The following OLFML2B variants were observed in gnomAD, a reference collection of about 807,000 sequenced individuals.
The protein encoded by OLFML2B is olfactomedin-like protein 2B.
OLFML2B carries 57 observed loss-of-function variants against 74.9 expected under a neutral mutation model. That is an observed-to-expected ratio of 0.76 (90% CI 0.61 to 0.95). OLFML2B has a LOEUF of 0.95. Among genes scored for constraint, OLFML2B ranks in the 40% least tolerant of loss-of-function variants. OLFML2B has a pLI of 0.00. For synonymous variants in OLFML2B, 388 were observed against 405.8 expected (o/e 0.96, Z 0.53); for missense variants, 986 against 970.6 (o/e 1.02, Z -0.21).
chr1:162,023,492 C>T lies in OLFML2B; in HGVS notation c.-62G>A. On this transcript the variant is annotated 5_prime_UTR_variant, in exon 1 of 8. Coordinates refer to ENST00000294794, the MANE Select transcript of OLFML2B (RefSeq NM_015441.3). ...GAATGGCTGGGGCGGGGGGTCTCGG[C>T]AAGGACTTCTGCGAGAGGGTGTCCT... is the stretch of plus-strand genomic sequence containing the variant. 3.6e-6 allele frequency: 5 copies of T among 1,387,264 alleles called. No individual in the cohort carries two copies. The highest frequency in any genetic ancestry group is 4.7e-6 in the Non-Finnish European group (5 of 1,057,588). 85.9% of individuals were successfully genotyped at this position (1,387,264 alleles called of 1,614,324 possible). A position where few individuals can be genotyped will look rare whatever the true frequency, so the allele number is the denominator to read the frequency against.
At position 161,998,042 on chromosome 1, in the gene OLFML2B, G is replaced by A; in HGVS notation, c.1257C>T (p.Thr419=). 1 of 1,614,116 alleles carries A rather than the reference G, an allele frequency of 6.2e-7. No homozygotes were observed. Among genetic ancestry groups the A allele is most frequent in the Non-Finnish European group, 8.5e-7 (1 of 1,180,004 alleles). Residue 419 remains threonine (T), a synonymous_variant, in exon 6 of 8, where the codon ACC becomes ACT. Coordinates refer to ENST00000294794, the MANE Select transcript of OLFML2B (RefSeq NM_015441.3). ...GCTGGGTGGCTGTGTGGGCCACAGTGGTGGCTGGTACCTGAGGAGAAGGCT... is the reference window on the plus strand; with the variant it reads ...GCTGGGTGGCTGTGTGGGCCACAGTAGTGGCTGGTACCTGAGGAGAAGGCT... ...VLQPSPQVPA[T]TVAHTATQQP... is the part of the protein sequence containing the mutation.
At position 161,997,729 on chromosome 1, in the gene OLFML2B, G is replaced by C. The variant is rs985622633; in HGVS notation, c.1474+96C>G. On this transcript the variant is annotated intron_variant, in intron 6 of 7. Coordinates refer to ENST00000294794, the MANE Select transcript of OLFML2B (RefSeq NM_015441.3). ...ACTTGCCATTCCCATAAAGAACTTT[G>C]ACCATCTGGTGCCTCCCTCTCCTCT... 3.0e-6 allele frequency: 4 copies of C among 1,331,822 alleles called. No individual in the cohort carries two copies. In the African/African-American group the frequency reaches 5.9e-5, roughly 20 times the overall value. The allele number at this position is 1,331,822 out of a possible 1,614,324, so 82.5% of individuals were successfully genotyped here.
intron 4 of OLFML2B, among the ~76,000 whole-genome samples, chr1:162,002,639 T>C (rs1690112624): frequency 6.6e-6 from 1 of 152,202 alleles, no homozygotes; most frequent in African/African-American, 2.4e-5. Flanking sequence ...AAGAGAGTTC[T>C]TCTGGATGGC....
intron 1 of OLFML2B, among the ~76,000 whole-genome samples, chr1:162,022,880 A>G (rs1444072766): frequency 6.6e-6 from 1 of 152,212 alleles, no homozygotes; most frequent in Non-Finnish European, 1.5e-5. Context: ...GGGATATGCC[A>G]TCTGCCTCCT....
At chr1:162,021,020 A>G (rs1381687062) in intron 1 of OLFML2B, among the ~76,000 whole-genome samples, 4 of 152,228 alleles carry the variant, frequency 2.6e-5, no homozygotes, top group Non-Finnish European at 5.9e-5. Context: ...CAGGAGGCAT[A>G]GAAATAGCAG....
chr1:162,020,801 C>T (rs1006180016), intron 1 of OLFML2B, among the ~76,000 whole-genome samples: 1 of 152,192 alleles, frequency 6.6e-6, no homozygotes, highest in Non-Finnish European at 1.5e-5. Context: ...AGGCGTGAGA[C>T]ACCGCACCCA....
intron 6 of OLFML2B, among the ~76,000 whole-genome samples, chr1:161,989,670 C>T (rs59315896): frequency 0.073 from 11,095 of 152,266 alleles, 473 homozygotes; most frequent in Non-Finnish European, 0.085. Context: ...TTAATATTTT[C>T]ACCCTCGAAC....
Position 161,997,917 on chromosome 1 carries a change from G to T in OLFML2B, c.1382C>A (p.Ser461Ter). The T allele has an allele frequency of 6.2e-7, 1 of 1,614,216 alleles. No individual in the cohort carries two copies. Among genetic ancestry groups the T allele is most frequent in the Non-Finnish European group, 8.5e-7 (1 of 1,180,044 alleles). ...CCCAGCAGGAGCATCTTTCCCCAGC[G>T]AGTCTGTTCTGACTGTGGTGGGAGG... ...PVPPTTVRTDSLGKDAPAGWG... is the reference protein window; with the variant it reads ...PVPPTTVRTD The change falls in exon 6 of 8, where the codon TCG becomes TAG. Residue 461 changes from serine to a stop codon, truncating the protein, a stop_gained. Transcript: ENST00000294794. LOFTEE classifies it high-confidence loss of function.
rs1180228365 is a variant in OLFML2B at position 162,017,500 on chromosome 1, G to A, written c.446C>T (p.Thr149Ile). 6.2e-7 allele frequency: 1 copy of A among 1,610,248 alleles called. No individual in the cohort carries two copies. Among genetic ancestry groups the A allele is most frequent in the Non-Finnish European group, 8.5e-7 (1 of 1,178,404 alleles). Reference protein sequence around the residue: ...EADSQDLKLSTIIDMLEGAFY... With the variant: ...EADSQDLKLSIIIDMLEGAFY... ...CGCTCCTTCCAACATGTCTATGATT[G>A]TGGAGAGCTATGAAACAAGGCAAGG... The change falls in exon 3 of 8, where the codon ACA (threonine) becomes ATA (isoleucine). Residue 149 changes from threonine (T) to isoleucine (I), a missense_variant. By Grantham distance (89) the Thr-to-Ile change is moderately conservative. Transcript: ENST00000294794.
At chr1:162,017,545 C>T in intron 2 of OLFML2B, 38 bp from the exon 3 acceptor site, 1 of 1,464,036 alleles carries the variant, frequency 6.8e-7, no homozygotes, top group Non-Finnish European at 9.4e-7. Flanking sequence ...AGGGCTGGGG[C>T]ACACAGACAC....
chr1:161,996,797 A>G (rs1037573239), intron 6 of OLFML2B, among the ~76,000 whole-genome samples: 36 of 152,218 alleles, frequency 2.4e-4, no homozygotes, highest in African/African-American at 8.4e-4. Flanking sequence ...TGCATTCTCC[A>G]TGCTTCTGGA....
intron 2 of OLFML2B, among the ~76,000 whole-genome samples, chr1:162,019,514 T>A (rs1272049491): frequency 6.6e-6 from 1 of 152,158 alleles, no homozygotes; most frequent in African/African-American, 2.4e-5. Flanking sequence ...CCCCGGCCTC[T>A]CCTTCCCTAG....
chr1:162,023,237 C>G lies in OLFML2B; in HGVS notation c.174+20G>C, dbSNP rs761990338. 3.4e-6 allele frequency: 5 copies of G among 1,486,360 alleles called. No individual in the cohort carries two copies. The African/African-American group carries it at 7.0e-5, about 21-fold the overall frequency. The allele number at this position is 1,486,360 out of a possible 1,614,324, so 92.1% of individuals were successfully genotyped here. ...CACCATCCAGGGCAAGAAGGGCGGT[C>G]GTGGCACTCTGCATCCTACCTGAGA... is the stretch of plus-strand genomic sequence containing the variant. On this transcript the variant is annotated intron_variant, in intron 1 of 7. Coordinates refer to ENST00000294794, the MANE Select transcript of OLFML2B (RefSeq NM_015441.3).
chr1:161,987,717 T>C (rs1198375968), intron 6 of OLFML2B, among the ~76,000 whole-genome samples: 1 of 152,198 alleles, frequency 6.6e-6, no homozygotes, highest in Non-Finnish European at 1.5e-5. Flanking sequence ...AGGAAATGGA[T>C]ACAGATGGAG....
At chr1:162,016,218 GC>G (rs1357180706) in intron 3 of OLFML2B, among the ~76,000 whole-genome samples, 4 of 152,178 alleles carry the variant, frequency 2.6e-5, no homozygotes. Context: ...CCATTTCAAA[GC>G]ATTTTCATAC....
Position 162,020,126 on chromosome 1 carries a change from G to T in OLFML2B, c.231C>A (p.Cys77Ter), listed in dbSNP as rs768413397. 2 of 1,614,062 alleles carry T rather than the reference G, an allele frequency of 1.2e-6. No homozygotes were observed. Among genetic ancestry groups the T allele is most frequent in the African/African-American group, 2.7e-5 (2 of 74,916 alleles). The change falls in exon 2 of 8, where the codon TGC becomes TGA. Residue 77 changes from cysteine (C) to a stop codon, truncating the protein, a stop_gained. Coordinates refer to ENST00000294794, the MANE Select transcript of OLFML2B (RefSeq NM_015441.3). LOFTEE classifies it high-confidence loss of function. ...KAMSEGSDCQCKCVVRPLGRD... is the reference protein window; with the variant it reads ...KAMSEGSDCQ ...GGCCCAGGGGTCTCACCACACACTT[G>T]CACTGACAGTCCGAGCCCTCAGACA...
rs779532497 is a variant in OLFML2B, at chr1:162,017,494, A to G, written c.452T>C (p.Ile151Thr). The G allele has an allele frequency of 1.9e-6, 3 of 1,611,700 alleles. No homozygotes were observed. Among genetic ancestry groups the G allele is most frequent in the Non-Finnish European group, 2.5e-6 (3 of 1,179,046 alleles). Residue 151 changes from isoleucine (I) to threonine (T), a missense_variant, in exon 3 of 8, where the codon ATA becomes ACA. By Grantham distance (89) the Ile-to-Thr change is moderately conservative (BLOSUM62 -1). Transcript: ENST00000294794. ...ATAGAACGCTCCTTCCAACATGTCT[A>G]TGATTGTGGAGAGCTATGAAACAAG... ...DSQDLKLSTI[I>T]DMLEGAFYGL...
intron 6 of OLFML2B, among the ~76,000 whole-genome samples, chr1:161,988,567 C>T (rs1298496807): frequency 1.3e-5 from 2 of 148,590 alleles, no homozygotes; most frequent in East Asian, 4.0e-4. Flanking sequence ...CACCCACCCA[C>T]CCACCTCAGA....
chr1:162,000,887 C>G (rs1348005976), intron 4 of OLFML2B, among the ~76,000 whole-genome samples: 2 of 152,138 alleles, frequency 1.3e-5, no homozygotes, highest in South Asian at 2.1e-4. Flanking sequence ...CATATCACCC[C>G]CAGCCCCCAA....
Sources: gnomAD v4.1 joint callset for allele counts (sites outside exome capture counted in the v4.1 genomes callset) on GRCh38, gnomAD v4.1.1 for gene constraint, MANE v1.5 for transcripts, NCBI Gene and HGNC (gene_info 2026-07-23, HGNC 2026-07-21) for gene names.